The following NRXN3 variants were observed in gnomAD, a reference collection of about 807,000 sequenced individuals.
The protein encoded by NRXN3 is neurexin III.
Under a neutral mutation model 137.6 loss-of-function variants are expected in NRXN3, and 32 were observed. The observed-to-expected ratio is 0.23, with a 90% confidence interval of 0.18 to 0.31. The LOEUF (loss-of-function observed/expected upper bound fraction) is 0.31, where lower values mean the gene tolerates loss of function less well. Among genes scored for constraint, NRXN3 ranks in the 10% least tolerant of loss-of-function variants. NRXN3 has a pLI of 1.00. For missense variants in NRXN3, 1,574 were observed against 2,062.5 expected, an observed-to-expected ratio of 0.76 and a Z score of 4.59; for synonymous variants, 798 against 784.5, an observed-to-expected ratio of 1.02 and a Z score of -0.29.
chr14:79,807,237 A>C (rs1371278326), intron 20 of NRXN3, among the ~76,000 whole-genome samples: 1 of 151,722 alleles, frequency 6.6e-6, no homozygotes, highest in African/African-American at 2.4e-5. Flanking sequence ...GACCTCCCAA[A>C]TGTTTTTCTT....
chr14:78,872,282 AATAT>A (rs578184671), intron 10 of NRXN3, among the ~76,000 whole-genome samples: 9 of 147,470 alleles, frequency 6.1e-5, no homozygotes, highest in African/African-American at 2.2e-4. Flanking sequence ...CATATAAATA[AATAT>A]ATATACATAT....
chr14:78,267,585 G>A (rs2071973727), intron 2 of NRXN3, among the ~76,000 whole-genome samples: 1 of 152,170 alleles, frequency 6.6e-6, no homozygotes, highest in Non-Finnish European at 1.5e-5. Context: ...TTTAGTCCCA[G>A]TTACTTAGGT....
At chr14:78,401,746 G>A (rs2092084763) in intron 4 of NRXN3, among the ~76,000 whole-genome samples, 1 of 152,158 alleles carries the variant, frequency 6.6e-6, no homozygotes, top group South Asian at 2.1e-4. Flanking sequence ...CTTGTATAAA[G>A]CTGGCTGGCC....
At chr14:78,657,993 G>T (rs551481595) in intron 6 of NRXN3, among the ~76,000 whole-genome samples, 16 of 151,850 alleles carry the variant, frequency 1.1e-4, no homozygotes, top group African/African-American at 3.9e-4. Flanking sequence ...CCCCATCTCC[G>T]TTCCGTTTTT....
chr14:79,092,404 T>C lies in NRXN3; in HGVS notation c.3262+104263T>C, dbSNP rs540724202. ...CTGACTATCTGCAACCTTAGTCGCCTCTCAAGTGGGAACCACTGTTAACAT... is the reference window on the plus strand; with the variant it reads ...CTGACTATCTGCAACCTTAGTCGCCCCTCAAGTGGGAACCACTGTTAACAT... On this transcript the variant is annotated intron_variant, in intron 15 of 20. Transcript: ENST00000335750. 3.3e-5 allele frequency among the ~76,000 whole-genome samples: 5 copies of C among 152,262 alleles called. No homozygotes were observed. The South Asian group carries it at 1.0e-3, about 32-fold the overall frequency.
At chr14:79,444,704 T>C (rs2096027405) in intron 15 of NRXN3, among the ~76,000 whole-genome samples, 1 of 152,218 alleles carries the variant, frequency 6.6e-6, no homozygotes, top group African/African-American at 2.4e-5. Flanking sequence ...GACCCATGCC[T>C]GTAGTCCCAG....
At position 78,460,829 on chromosome 14, in the gene NRXN3, T is replaced by G. The variant is rs149333075; in HGVS notation, c.757+162969T>G. Among the ~76,000 whole-genome samples the G allele has an allele frequency of 1.3e-4, 20 of 152,186 alleles. No individual in the cohort carries two copies. In the East Asian group the frequency reaches 3.9e-3, roughly 29 times the overall value. Reference sequence around the variant, plus strand: ...ATTGGGATTTTTTTTTTCTTTTTGATTCTTTGGGCCTCTGAAGATAATTCA... The same window carrying G: ...ATTGGGATTTTTTTTTTCTTTTTGAGTCTTTGGGCCTCTGAAGATAATTCA... On this transcript the variant is annotated intron_variant, in intron 4 of 20. Coordinates refer to ENST00000335750, the MANE Select transcript of NRXN3 (RefSeq NM_001330195.2).
intron 4 of NRXN3, among the ~76,000 whole-genome samples, chr14:78,321,111 T>C (rs2079298893): frequency 6.7e-6 from 1 of 149,606 alleles, no homozygotes. Flanking sequence ...CGAGACTTCA[T>C]TTCAAAAAAA....
intron 15 of NRXN3, among the ~76,000 whole-genome samples, chr14:79,011,332 T>G (rs912247511): frequency 2.0e-5 from 3 of 148,624 alleles, no homozygotes; most frequent in African/African-American, 7.5e-5. Flanking sequence ...CGCTTTGGTC[T>G]CACAGGTTCC....
At chr14:79,200,637 C>T (rs1362315698) in intron 15 of NRXN3, among the ~76,000 whole-genome samples, 2 of 152,008 alleles carry the variant, frequency 1.3e-5, no homozygotes, top group African/African-American at 4.8e-5. Context: ...CTTATTCTTT[C>T]TTCATTAATA....
chr14:78,895,729 G>A (rs1364849101), intron 10 of NRXN3, among the ~76,000 whole-genome samples: 1 of 151,842 alleles, frequency 6.6e-6, no homozygotes, highest in Non-Finnish European at 1.5e-5. Flanking sequence ...AGAGATATGA[G>A]ACTCTTCCTT....
In NRXN3 at chr14:78,243,913, T is replaced by C. The variant is rs2067317015; in HGVS notation, c.709+111T>C. The C allele has an allele frequency of 2.6e-6, 2 of 782,020 alleles. No individual in the cohort carries two copies. The highest frequency in any genetic ancestry group is 1.8e-5 in the South Asian group (1 of 55,928). 48.4% of individuals were successfully genotyped at this position (782,020 alleles called of 1,614,324 possible). A position where few individuals can be genotyped will look rare whatever the true frequency, so the allele number is the denominator to read the frequency against. ...TGCATATCTTTAGCTGCATGTTAGATCACTGGGCCCCTTGCCCTAAGGAGG... is the reference window on the plus strand; with the variant it reads ...TGCATATCTTTAGCTGCATGTTAGACCACTGGGCCCCTTGCCCTAAGGAGG... On this transcript the variant is annotated intron_variant, in intron 2 of 20. Coordinates refer to ENST00000335750, the MANE Select transcript of NRXN3 (RefSeq NM_001330195.2). This position sits in a 1 kb window ranked among gnomAD's most constrained non-coding sequence, Gnocchi z 4.2.
intron 15 of NRXN3, among the ~76,000 whole-genome samples, chr14:79,243,616 C>A (rs1025411917): frequency 2.0e-5 from 3 of 152,060 alleles, no homozygotes; most frequent in African/African-American, 7.2e-5. Flanking sequence ...TGTACTCACA[C>A]AAATCTAGAC....
intron 4 of NRXN3, among the ~76,000 whole-genome samples, chr14:78,622,313 G>T (rs2097413957): frequency 6.6e-6 from 1 of 152,124 alleles, no homozygotes; most frequent in Non-Finnish European, 1.5e-5. Context: ...ACAGTGAAAA[G>T]GTACTTTGGT....
At chr14:79,696,929 T>C (rs1350903132) in intron 18 of NRXN3, among the ~76,000 whole-genome samples, 1 of 151,966 alleles carries the variant, frequency 6.6e-6, no homozygotes, top group Non-Finnish European at 1.5e-5. Flanking sequence ...AATAATTTAG[T>C]TGTGGGACCA....
At position 78,316,938 on chromosome 14, in the gene NRXN3, T is replaced by TGTA. The variant is rs566991610; in HGVS notation, c.757+19079_757+19081dup. Among the ~76,000 whole-genome samples, 5 of 152,318 alleles carry TGTA rather than the reference T, an allele frequency of 3.3e-5. No individual in the cohort carries two copies. In the South Asian group the frequency reaches 1.0e-3, roughly 32 times the overall value. ...AGAGAGAGTAACACTCTTCCTTGAC[T>TGTA]GTATTAGTCAGGGTTCTCCAGGGAA... On this transcript the variant is annotated intron_variant, in intron 4 of 20. Coordinates refer to ENST00000335750, the MANE Select transcript of NRXN3 (RefSeq NM_001330195.2).
At chr14:78,240,445 G>T (rs1461425720) in intron 1 of NRXN3, among the ~76,000 whole-genome samples, 1 of 152,140 alleles carries the variant, frequency 6.6e-6, no homozygotes, top group African/African-American at 2.4e-5. Flanking sequence ...TTTGTTTTAG[G>T]GTAAATGAAG....
At chr14:79,533,904 C>T (rs923201840) in intron 16 of NRXN3, among the ~76,000 whole-genome samples, 1 of 152,174 alleles carries the variant, frequency 6.6e-6, no homozygotes, top group African/African-American at 2.4e-5. Flanking sequence ...TTACTTAATG[C>T]TCTATAGTAA....
At chr14:79,048,889 G>A (rs2152562850) in intron 15 of NRXN3, among the ~76,000 whole-genome samples, 1 of 148,754 alleles carries the variant, frequency 6.7e-6, no homozygotes, top group Middle Eastern at 3.4e-3. Context: ...CGGGCATGGT[G>A]GCGCGTGCCT....
Sources: gnomAD v4.1 joint callset for allele counts (sites outside exome capture counted in the v4.1 genomes callset) on GRCh38, gnomAD v4.1.1 for gene constraint, Gnocchi (gnomAD v3.1) non-coding constraint, MANE v1.5 for transcripts, NCBI Gene and HGNC (gene_info 2026-07-23, HGNC 2026-07-21) for gene names.